Variants in IRAK1BP1 observed in about 807,000 individuals in gnomAD.
The protein encoded by IRAK1BP1 is interleukin 1 receptor associated kinase 1 binding protein 1.
A neutral mutation model predicts 28.0 loss-of-function variants in IRAK1BP1; 24 were observed. The ratio of observed to expected loss-of-function variants is 0.86; its 90% CI spans 0.62 to 1.20. IRAK1BP1 has a LOEUF of 1.20. Ranked by LOEUF, IRAK1BP1 falls within the 50% of genes most tolerant of loss-of-function variation. The pLI, the probability that IRAK1BP1 is intolerant of heterozygous loss-of-function variation, is 0.00. For missense variants in IRAK1BP1, 336 were observed against 316.7 expected (o/e 1.06, Z -0.46); for synonymous variants, 131 against 116.3 (o/e 1.13, Z -0.81).
chr6:78,961,906 T>C, the IRAK1BP1 span: 1 of 879,182 alleles, frequency 1.1e-6, no homozygotes. Flanking sequence ...AGTCCTAATC[T>C]ACATAATCAT....
At position 78,886,303 on chromosome 6, in the gene IRAK1BP1, G is replaced by T. The variant is rs529275857; in HGVS notation, c.381+860G>T. On this transcript the variant is annotated intron_variant, in intron 2 of 3. Coordinates refer to ENST00000369940, the MANE Select transcript of IRAK1BP1 (RefSeq NM_001010844.4). ...GAATTAGATAGAAATTAGAACCCTG[G>T]ATTCTTATCTCTTGAGAAGCAACTT... Among the ~76,000 whole-genome samples, 41 of 152,128 alleles carry T rather than the reference G, an allele frequency of 2.7e-4. No homozygotes were observed. In the South Asian group the frequency reaches 8.1e-3, roughly 30 times the overall value.
At chr6:78,877,050 T>C (rs1194506161) in intron 1 of IRAK1BP1, among the ~76,000 whole-genome samples, 1 of 152,180 alleles carries the variant, frequency 6.6e-6, no homozygotes, top group African/African-American at 2.4e-5. Flanking sequence ...AGGAGGAGCC[T>C]CTTAAAGGTT....
At chr6:78,971,800 C>A in the IRAK1BP1 span, among the ~76,000 whole-genome samples, 9 of 152,142 alleles carry the variant, frequency 5.9e-5, no homozygotes, top group African/African-American at 1.2e-4. Context: ...CACTCCCACC[C>A]GAATACTGCG....
intron 4 of IRAK1BP1, among the ~76,000 whole-genome samples, chr6:78,923,156 A>T (rs1345246952): frequency 6.6e-6 from 1 of 152,166 alleles, no homozygotes; most frequent in Non-Finnish European, 1.5e-5. Flanking sequence ...AAGACCCATC[A>T]GTGTGCTGTA....
chr6:78,905,898 A>G (rs185323265), downstream of IRAK1BP1, among the ~76,000 whole-genome samples: 1 of 152,240 alleles, frequency 6.6e-6, no homozygotes, highest in Non-Finnish European at 1.5e-5. Context: ...ACCGTACCTG[A>G]CCTAGAAATA....
At chr6:78,913,024 C>T (rs1419181825) in intron 4 of IRAK1BP1, among the ~76,000 whole-genome samples, 1 of 152,096 alleles carries the variant, frequency 6.6e-6, no homozygotes, top group Non-Finnish European at 1.5e-5. Flanking sequence ...ACTGCAAAAT[C>T]ATGATTGATT....
At chr6:78,895,875 A>G (rs1582019916) in intron 2 of IRAK1BP1, among the ~76,000 whole-genome samples, 2 of 152,234 alleles carry the variant, frequency 1.3e-5, no homozygotes, top group African/African-American at 4.8e-5. Context: ...TGTACTTGAA[A>G]AAGAATAAAA....
the IRAK1BP1 span, among the ~76,000 whole-genome samples, chr6:78,978,133 T>C: frequency 3.8e-4 from 58 of 152,204 alleles, no homozygotes; most frequent in African/African-American, 1.4e-3. Context: ...AAATAGTATT[T>C]CTTATTCTAA....
intron 4 of IRAK1BP1, chr6:78,940,648 C>A: frequency 8.8e-7 from 1 of 1,139,182 alleles, no homozygotes; most frequent in Non-Finnish European, 1.2e-6. Flanking sequence ...TATTCCTTAA[C>A]TGTACCTGCT....
downstream of IRAK1BP1, chr6:78,946,738 C>T: frequency 6.3e-7 from 1 of 1,585,636 alleles, no homozygotes; most frequent in Non-Finnish European, 8.5e-7. Flanking sequence ...GGAAACAGAG[C>T]TGCTTCTGTT....
At chr6:78,898,006 A>G (rs200967126) in intron 3 of IRAK1BP1, 47 bp downstream of exon 3, 1 of 1,608,638 alleles carries the variant, frequency 6.2e-7, no homozygotes, top group Non-Finnish European at 8.5e-7. Context: ...AAACAAAACT[A>G]TCCAGTGCTA....
intron 4 of IRAK1BP1, chr6:78,937,907 T>C (rs1313687441): frequency 1.3e-5 from 2 of 151,642 alleles, no homozygotes; most frequent in African/African-American, 4.8e-5. Flanking sequence ...CCTAAATTGG[T>C]TTACACTTTC....
chr6:78,956,850 G>A, the IRAK1BP1 span: 1 of 151,802 alleles, frequency 6.6e-6, no homozygotes. Context: ...CTTACTACTT[G>A]TCACAGTTTT....
At chr6:78,943,474 C>T (rs1582076449) in intron 4 of IRAK1BP1, among the ~76,000 whole-genome samples, 1 of 152,222 alleles carries the variant, frequency 6.6e-6, no homozygotes, top group South Asian at 2.1e-4. Flanking sequence ...ACTCTAAATT[C>T]AGTTCAGAAA....
At chr6:78,955,772 A>G in the IRAK1BP1 span, 7 of 526,128 alleles carry the variant, frequency 1.3e-5, no homozygotes, top group African/African-American at 3.9e-5. Flanking sequence ...ATTTTAAGGT[A>G]AAAGTTGAAG....
chr6:78,957,274 CAG>C, the IRAK1BP1 span: 1 of 151,810 alleles, frequency 6.6e-6, no homozygotes, highest in South Asian at 2.1e-4. Context: ...TTTGAAAAAA[CAG>C]ATACACATAC....
Position 78,914,421 on chromosome 6 carries a change from C to T in IRAK1BP1, c.*67+11311C>T, listed in dbSNP as rs146306623. Among the ~76,000 whole-genome samples the T allele has an allele frequency of 3.4e-3, 512 of 152,066 alleles. 2 individuals are homozygous for T. The highest frequency in any genetic ancestry group is 0.011 in the African/African-American group (447 of 41,478). On this transcript the variant is annotated intron_variant and NMD_transcript_variant, in intron 4 of 4. Transcript: ENST00000606868. ...AATAAAATGTCTTGCTGTTGCATAC[C>T]AGGGTTATTGGTAGACAGACATTCA... is the stretch of plus-strand genomic sequence containing the variant.
intron 4 of IRAK1BP1, chr6:78,941,195 A>T: frequency 6.2e-7 from 1 of 1,613,962 alleles, no homozygotes; most frequent in South Asian, 1.1e-5. Flanking sequence ...TTTCTTGTGT[A>T]TAATTTCACC....
exon 5 of IRAK1BP1, chr6:78,946,180 G>A (rs76016936): frequency 2.5e-5 from 40 of 1,613,636 alleles, no homozygotes; most frequent in Non-Finnish European, 1.7e-6. Flanking sequence ...TGGCGGTATT[G>A]ATCGTGTAGG....
Sources: gnomAD v4.1 joint callset for allele counts (sites outside exome capture counted in the v4.1 genomes callset) on GRCh38, gnomAD v4.1.1 for gene constraint, MANE v1.5 for transcripts, NCBI Gene and HGNC (gene_info 2026-07-23, HGNC 2026-07-21) for gene names.